RSPH14: variants seen among roughly 807,000 people sequenced by gnomAD.
RSPH14 encodes the protein radial spoke head 14 homolog.
Under a neutral mutation model 26.7 loss-of-function variants are expected in RSPH14, and 20 were observed. The observed-to-expected ratio is 0.75, with a 90% CI of 0.53 to 1.09. The LOEUF is 1.09. Among genes scored for constraint, RSPH14 ranks in the 50% least tolerant of loss-of-function variants. The pLI, the probability that RSPH14 is intolerant of heterozygous loss-of-function variation, is 0.00. For synonymous variants in RSPH14, 177 were observed against 189.3 expected, an observed-to-expected ratio of 0.93 and a Z score of 0.53; for missense variants, 449 against 457.2, an observed-to-expected ratio of 0.98 and a Z score of 0.16.
At chr22:23,167,461 C>A in the RSPH14 span, among the ~76,000 whole-genome samples, 2 of 152,280 alleles carry the variant, frequency 1.3e-5, no homozygotes, top group South Asian at 4.1e-4. Context: ...CCTGCCTCCC[C>A]CTCCTCCCAG....
chr22:23,123,479 T>C (rs1332712453), intron 4 of RSPH14: 2 of 1,306,436 alleles, frequency 1.5e-6, no homozygotes, highest in East Asian at 2.4e-5. Flanking sequence ...CCACGGGGTG[T>C]CATGCCCCAA....
At chr22:23,078,479 T>C (rs1315304010) in intron 4 of RSPH14, among the ~76,000 whole-genome samples, 1 of 148,446 alleles carries the variant, frequency 6.7e-6, no homozygotes, top group African/African-American at 2.5e-5. Flanking sequence ...CTGGCCACAC[T>C]GACACCCCCA....
the RSPH14 span, among the ~76,000 whole-genome samples, chr22:23,174,614 C>A: frequency 1.2e-3 from 184 of 151,672 alleles, no homozygotes; most frequent in African/African-American, 4.3e-3. Context: ...TGTCAACACT[C>A]ATCAAATCGC....
intron 4 of RSPH14, among the ~76,000 whole-genome samples, chr22:23,081,227 T>C (rs1194732335): frequency 6.6e-6 from 1 of 152,168 alleles, no homozygotes; most frequent in Non-Finnish European, 1.5e-5. Flanking sequence ...GCCACCTCAC[T>C]TGTGTTGGAA....
At chr22:23,064,603 C>A (rs1476745879) in intron 4 of RSPH14, among the ~76,000 whole-genome samples, 1 of 152,234 alleles carries the variant, frequency 6.6e-6, no homozygotes, top group Non-Finnish European at 1.5e-5. Context: ...CCACACTGGT[C>A]TGACCAGCCC....
Position 23,061,952 on chromosome 22 carries a change from C to T in RSPH14, c.654-7G>A. The T allele has an allele frequency of 6.2e-7, 1 of 1,613,782 alleles. No individual in the cohort carries two copies. Among genetic ancestry groups the T allele is most frequent in the Non-Finnish European group, 8.5e-7 (1 of 1,179,966 alleles). ...CTTGCCCTCTCGAGATATGCTGGGG[C>T]AGAGAGGGAACAGAGAGGGGCTCTG... On this transcript the variant is annotated splice_polypyrimidine_tract_variant and splice_region_variant and intron_variant, in intron 5 of 6. Coordinates refer to ENST00000216036, the MANE Select transcript of RSPH14 (RefSeq NM_014433.3).
At chr22:23,177,599 T>G in the RSPH14 span, among the ~76,000 whole-genome samples, 1 of 152,002 alleles carries the variant, frequency 6.6e-6, no homozygotes, top group African/African-American at 2.4e-5. Context: ...GAGGGATGGA[T>G]GATAAGAAAA....
At chr22:23,064,679 C>T (rs1235809794) in intron 4 of RSPH14, among the ~76,000 whole-genome samples, 1 of 152,138 alleles carries the variant, frequency 6.6e-6, no homozygotes, top group Non-Finnish European at 1.5e-5. Context: ...TCACACTCAC[C>T]AAAAAGAGCT....
At chr22:23,137,334 C>G (rs1360954869) in intron 3 of RSPH14, among the ~76,000 whole-genome samples, 1 of 140,460 alleles carries the variant, frequency 7.1e-6, no homozygotes, top group Non-Finnish European at 1.6e-5. Context: ...AGCAAGAGGG[C>G]AGGGAACAGG....
At chr22:23,096,622 C>G (rs544895383) in intron 4 of RSPH14, among the ~76,000 whole-genome samples, 10 of 152,138 alleles carry the variant, frequency 6.6e-5, no homozygotes, top group Non-Finnish European at 1.2e-4. Flanking sequence ...TGTCCCATGC[C>G]TGAAGTACTC....
At chr22:23,089,859 G>C (rs927977151) in intron 4 of RSPH14, among the ~76,000 whole-genome samples, 1 of 152,138 alleles carries the variant, frequency 6.6e-6, no homozygotes, top group Non-Finnish European at 1.5e-5. Flanking sequence ...AGCTCCTTAA[G>C]AGCCTACAGC....
upstream of RSPH14, among the ~76,000 whole-genome samples, chr22:23,146,362 A>G (rs2070769531): frequency 6.7e-6 from 1 of 148,634 alleles, no homozygotes; most frequent in South Asian, 2.2e-4. Flanking sequence ...ACAGGCCACC[A>G]TGCCCTGCTA....
chr22:23,130,143 GA>G (rs1303174827), intron 4 of RSPH14, among the ~76,000 whole-genome samples: 1 of 116,590 alleles, frequency 8.6e-6, no homozygotes. Flanking sequence ...AAGAAAGAAA[GA>G]AAGAAAGAAA....
At chr22:23,069,316 T>C (rs1229855508) in intron 4 of RSPH14, among the ~76,000 whole-genome samples, 1 of 152,152 alleles carries the variant, frequency 6.6e-6, no homozygotes, top group African/African-American at 2.4e-5. Flanking sequence ...TGGGAAGGCA[T>C]TTGCACTTTG....
At chr22:23,123,344 C>T in intron 4 of RSPH14, 3 of 1,614,048 alleles carry the variant, frequency 1.9e-6, no homozygotes, top group Non-Finnish European at 2.5e-6. Context: ...TCACCTGCGC[C>T]ACCGACACCA....
chr22:23,149,361 T>G (rs1007452660), upstream of RSPH14, among the ~76,000 whole-genome samples: 1 of 152,214 alleles, frequency 6.6e-6, no homozygotes, highest in Non-Finnish European at 1.5e-5. Flanking sequence ...TTTTTTCTAA[T>G]TACAGACCAG....
chr22:23,149,916 A>G (rs1026924361), upstream of RSPH14: 2 of 675,926 alleles, frequency 3.0e-6, no homozygotes, highest in Admixed American at 4.2e-5. Context: ...GATACACATG[A>G]CAAATGGGTC....
chr22:23,107,532 C>T (rs1485174341), intron 4 of RSPH14, among the ~76,000 whole-genome samples: 1 of 152,196 alleles, frequency 6.6e-6, no homozygotes, highest in African/African-American at 2.4e-5. Context: ...ACTCGAGAGT[C>T]TCCACTTCAG....
upstream of RSPH14, among the ~76,000 whole-genome samples, chr22:23,147,916 G>A (rs1002248420): frequency 5.9e-5 from 9 of 152,190 alleles, no homozygotes; most frequent in South Asian, 2.1e-4. Context: ...AGCACACTCC[G>A]GTGTGTGAAA....
Sources: gnomAD v4.1 joint callset for allele counts (sites outside exome capture counted in the v4.1 genomes callset) on GRCh38, gnomAD v4.1.1 for gene constraint, MANE v1.5 for transcripts, NCBI Gene and HGNC (gene_info 2026-07-23, HGNC 2026-07-21) for gene names.